Variants in ACTN1 observed in about 807,000 individuals in gnomAD.
ACTN1 encodes the protein actinin alpha 1.
In ACTN1, 30 loss-of-function variants were observed where a neutral mutation model predicts 119.6. The observed-to-expected ratio is 0.25, with a 90% CI of 0.19 to 0.34. The LOEUF (loss-of-function observed/expected upper bound fraction) is 0.34. Ranked by LOEUF, ACTN1 falls within the 10% of genes least tolerant of loss-of-function variation. The pLI, the probability that ACTN1 is intolerant of heterozygous loss-of-function variation, is 1.00. For missense variants in ACTN1, 764 were observed against 1,223.4 expected (o/e 0.62, Z 5.60); for synonymous variants, 429 against 472.6 (o/e 0.91, Z 1.20).
chr14:68,881,232 C>G (rs962629252), intron 16 of ACTN1: 4 of 422,838 alleles, frequency 9.5e-6, no homozygotes, highest in Non-Finnish European at 1.7e-5. Flanking sequence ...CCTACCAACT[C>G]TCGGGTACCT....
chr14:68,901,188 ATT>A (rs71977197), intron 8 of ACTN1, among the ~76,000 whole-genome samples: 1 of 130,020 alleles, frequency 7.7e-6, no homozygotes, highest in African/African-American at 2.8e-5. Flanking sequence ...CCCATCATGC[ATT>A]TTTTTTTTGT....
chr14:68,965,775 C>T (rs924059601), intron 1 of ACTN1, among the ~76,000 whole-genome samples: 4 of 152,234 alleles, frequency 2.6e-5, no homozygotes, highest in Admixed American at 2.6e-4. Context: ...GCACATTCAC[C>T]TGGCCCCACT....
intron 1 of ACTN1, among the ~76,000 whole-genome samples, chr14:68,967,173 TCTTA>T (rs2036735615): frequency 6.6e-6 from 1 of 152,090 alleles, no homozygotes; most frequent in South Asian, 2.1e-4. Context: ...AGGACACACC[TCTTA>T]GTCCTGAGGA....
intron 8 of ACTN1, among the ~76,000 whole-genome samples, chr14:68,897,469 G>A (rs1336165367): frequency 1.1e-4 from 17 of 151,680 alleles, no homozygotes; most frequent in African/African-American, 4.8e-5. Context: ...AAGCCAAACT[G>A]CTACCCTAAT....
intron 1 of ACTN1, among the ~76,000 whole-genome samples, chr14:68,970,229 T>C (rs1027258125): frequency 6.6e-6 from 1 of 151,638 alleles, no homozygotes; most frequent in African/African-American, 2.4e-5. Flanking sequence ...AGCTGAACAT[T>C]TGGGGCCTCT....
At chr14:68,908,613 AC>A (rs1173903987) in intron 6 of ACTN1, among the ~76,000 whole-genome samples, 1 of 152,112 alleles carries the variant, frequency 6.6e-6, no homozygotes, top group Non-Finnish European at 1.5e-5. Flanking sequence ...CCAAGAGGGA[AC>A]CTGGAGAGTG....
At chr14:68,915,938 C>A (rs750853179) in intron 3 of ACTN1, among the ~76,000 whole-genome samples, 1 of 152,170 alleles carries the variant, frequency 6.6e-6, no homozygotes, top group African/African-American at 2.4e-5. Context: ...CGCTTGAATT[C>A]GGGAGGCGGA....
rs1261292195 is a variant in ACTN1, at chr14:68,893,728, C to T, written c.782G>A (p.Arg261His). The T allele has an allele frequency of 1.9e-6, 3 of 1,613,976 alleles. No homozygotes were observed. Among genetic ancestry groups the T allele is most frequent in the East Asian group, 2.2e-5 (1 of 44,876 alleles). The change falls in exon 9 of 22, where the codon CGC becomes CAC. Residue 261 changes from arginine to histidine, a missense_variant. By Grantham distance (29) the Arg-to-His change is conservative (BLOSUM62 0). Coordinates refer to ENST00000394419, the MANE Select transcript of ACTN1 (RefSeq NM_001130004.2). The part of the protein sequence containing the change: ...GAQKAETAAN[R>H]ICKVLAVNQE... ...GTTGACGGCCAACACCTTGCAGATG[C>T]GATTGGCTGCTGTCTCCGCCTGGCA...
intron 1 of ACTN1, among the ~76,000 whole-genome samples, chr14:68,965,169 C>G (rs1410448761): frequency 6.6e-6 from 1 of 152,222 alleles, no homozygotes; most frequent in African/African-American, 2.4e-5. Flanking sequence ...GAACTCATGG[C>G]AGACTGTCCT....
Position 68,880,452 on chromosome 14 carries a change from C to T in ACTN1, c.2134-344G>A, listed in dbSNP as rs1351827196. ...GAACCTCCAACCCCACAGCCACGCG[C>T]GCACACACACATACACACACACACA... On this transcript the variant is annotated intron_variant, in intron 17 of 21. Transcript: ENST00000394419. The surrounding 1 kb of genome is among the most constrained non-coding windows in gnomAD (Gnocchi z 4.6). Among the ~76,000 whole-genome samples the T allele has an allele frequency of 8.5e-6, 1 of 117,246 alleles. No individual in the cohort carries two copies. Among genetic ancestry groups the T allele is most frequent in the Non-Finnish European group, 1.7e-5 (1 of 59,112 alleles). 76.9% of individuals were successfully genotyped at this position (117,246 alleles called of 152,430 possible).
intron 11 of ACTN1, among the ~76,000 whole-genome samples, chr14:68,888,810 A>G (rs1276650258): frequency 6.6e-6 from 1 of 152,178 alleles, no homozygotes; most frequent in Non-Finnish European, 1.5e-5. Flanking sequence ...ATGAGAATCT[A>G]ATGCCTGATG....
At chr14:68,934,413 G>A (rs2035386812) in intron 1 of ACTN1, among the ~76,000 whole-genome samples, 1 of 152,244 alleles carries the variant, frequency 6.6e-6, no homozygotes, top group African/African-American at 2.4e-5. Context: ...CCATGCTTGT[G>A]AATTTTCAAA....
rs1452497170 is a variant in ACTN1, at chr14:68,920,554, TATTAA to T, written c.340+447_340+451del. ...AGGAAGCTACACTGCAGGGAAATGC[TATTAA>T]AAATGTTCCTAGAGGCTTCGGGACT... is the stretch of plus-strand genomic sequence containing the variant. On this transcript the variant is annotated intron_variant, in intron 3 of 21. Coordinates refer to ENST00000394419, the MANE Select transcript of ACTN1 (RefSeq NM_001130004.2). Among the ~76,000 whole-genome samples, 10 of 152,360 alleles carry T rather than the reference TATTAA, an allele frequency of 6.6e-5. No individual in the cohort carries two copies. In the East Asian group the frequency reaches 1.9e-3, roughly 29 times the overall value.
Position 68,882,369 on chromosome 14 carries a change from A to G in ACTN1, c.1953+89T>C, listed in dbSNP as rs1357789064. ...CGGGCCTCAGTCCTCCATGGGTCCC[A>G]CCCAGGGAGACAGGCAGCCTGGCTG... On this transcript the variant is annotated intron_variant, in intron 16 of 21. Transcript: ENST00000394419. This position sits in a 1 kb window ranked among gnomAD's most constrained non-coding sequence, Gnocchi z 4.5. The G allele has an allele frequency of 6.5e-6, 10 of 1,542,186 alleles. No homozygotes were observed. The highest frequency in any genetic ancestry group is 1.8e-5 in the Admixed American group (1 of 56,158).
intron 2 of ACTN1, among the ~76,000 whole-genome samples, chr14:68,924,566 G>T (rs78817336): frequency 6.6e-6 from 1 of 152,248 alleles, no homozygotes; most frequent in African/African-American, 2.4e-5. Flanking sequence ...GAGAGGCACC[G>T]CGGGCTGAGG....
intron 11 of ACTN1, chr14:68,887,639 A>C: frequency 1.5e-6 from 2 of 1,359,678 alleles, no homozygotes; most frequent in South Asian, 2.5e-5. Flanking sequence ...CACTTAAAAA[A>C]TGGGATGAGG....
chr14:68,969,070 G>A (rs1009271787), intron 1 of ACTN1, among the ~76,000 whole-genome samples: 1 of 152,210 alleles, frequency 6.6e-6, no homozygotes, highest in Non-Finnish European at 1.5e-5. Context: ...ACTCAGTGAG[G>A]GGGTGGCACA....
chr14:68,896,650 T>C (rs1253847996), intron 8 of ACTN1, among the ~76,000 whole-genome samples: 1 of 152,126 alleles, frequency 6.6e-6, no homozygotes, highest in African/African-American at 2.4e-5. Context: ...GGAGGAAAGA[T>C]TCCTTCCCTG....
intron 7 of ACTN1, among the ~76,000 whole-genome samples, chr14:68,902,803 C>T (rs1451485305): frequency 6.6e-6 from 1 of 152,046 alleles, no homozygotes; most frequent in Non-Finnish European, 1.5e-5. Context: ...GACAGCGGCC[C>T]CATTTCTGCA....
Sources: gnomAD v4.1 joint callset for allele counts (sites outside exome capture counted in the v4.1 genomes callset) on GRCh38, gnomAD v4.1.1 for gene constraint, Gnocchi (gnomAD v3.1) non-coding constraint, MANE v1.5 for transcripts, NCBI Gene and HGNC (gene_info 2026-07-23, HGNC 2026-07-21) for gene names.